The following MAPK10 variants were observed in gnomAD, a reference collection of about 807,000 sequenced individuals.
The protein encoded by MAPK10 is mitogen-activated protein kinase 10.
Under a neutral mutation model 59.3 loss-of-function variants are expected in MAPK10, and 25 were observed. That is an observed-to-expected ratio of 0.42 (90% CI 0.31 to 0.59). The LOEUF is 0.59. Ranked by LOEUF, MAPK10 falls within the 20% of genes least tolerant of loss-of-function variation. The pLI is 0.15. For missense variants in MAPK10, 351 were observed against 568.9 expected (o/e 0.62, Z 3.90); for synonymous variants, 190 against 200.5 (o/e 0.95, Z 0.44).
intron 4 of MAPK10, among the ~76,000 whole-genome samples, chr4:86,136,664 G>A (rs2062203641): frequency 6.7e-6 from 1 of 149,634 alleles, no homozygotes; most frequent in Admixed American, 6.6e-5. Flanking sequence ...ATAATGACAG[G>A]ATCAAATTCA....
At chr4:86,248,627 G>A (rs1350601531) in intron 2 of MAPK10, among the ~76,000 whole-genome samples, 1 of 152,164 alleles carries the variant, frequency 6.6e-6, no homozygotes, top group African/African-American at 2.4e-5. Flanking sequence ...CTTCATCAAA[G>A]AAGAATCTTT....
At chr4:86,301,820 G>A (rs992761500) in intron 2 of MAPK10, among the ~76,000 whole-genome samples, 1 of 151,666 alleles carries the variant, frequency 6.6e-6, no homozygotes, top group Admixed American at 6.6e-5. Context: ...GAGTGTCCCA[G>A]TTCTCCACAC....
intron 4 of MAPK10, among the ~76,000 whole-genome samples, chr4:86,153,242 A>G (rs958012375): frequency 6.6e-6 from 1 of 152,228 alleles, no homozygotes; most frequent in Non-Finnish European, 1.5e-5. Flanking sequence ...TCTAATAGGG[A>G]CATTAGTATT....
intron 9 of MAPK10, among the ~76,000 whole-genome samples, chr4:86,093,251 G>A (rs1175526265): frequency 1.3e-5 from 2 of 151,820 alleles, no homozygotes; most frequent in Non-Finnish European, 2.9e-5. Context: ...CTCTCTGGGG[G>A]ATTACGTAAC....
chr4:86,184,096 T>C (rs2077576777), intron 3 of MAPK10, among the ~76,000 whole-genome samples: 1 of 152,164 alleles, frequency 6.6e-6, no homozygotes, highest in African/African-American at 2.4e-5. Flanking sequence ...AGGTTGCCTG[T>C]TCACTCTGAT....
At chr4:86,488,371 A>G (rs1389850651) in intron 1 of MAPK10, among the ~76,000 whole-genome samples, 1 of 152,192 alleles carries the variant, frequency 6.6e-6, no homozygotes, top group East Asian at 1.9e-4. Flanking sequence ...TCCAGCTTCA[A>G]TAAGCATTGT....
intron 1 of MAPK10, chr4:86,358,390 A>G: frequency 3.0e-6 from 3 of 985,268 alleles, no homozygotes; most frequent in Non-Finnish European, 3.6e-6. Flanking sequence ...TTTTCCTTCC[A>G]CCTGAACTGT....
intron 1 of MAPK10, among the ~76,000 whole-genome samples, chr4:86,484,587 G>A (rs1753850230): frequency 6.6e-6 from 1 of 152,150 alleles, no homozygotes; most frequent in Non-Finnish European, 1.5e-5. Flanking sequence ...AAATGAGGTA[G>A]TACACATTAA....
chr4:86,281,395 G>A (rs2094797724), intron 2 of MAPK10, among the ~76,000 whole-genome samples: 1 of 151,946 alleles, frequency 6.6e-6, no homozygotes, highest in Admixed American at 6.6e-5. Flanking sequence ...CACCTACTTG[G>A]GAGACTGAGG....
intron 1 of MAPK10, among the ~76,000 whole-genome samples, chr4:86,468,022 C>G (rs572834856): frequency 6.6e-6 from 1 of 152,218 alleles, no homozygotes. Flanking sequence ...CCCCGCCGGT[C>G]GGCCAGAACA....
chr4:86,251,238 A>G (rs867465875), intron 2 of MAPK10, among the ~76,000 whole-genome samples: 62 of 152,042 alleles, frequency 4.1e-4, no homozygotes, highest in African/African-American at 1.4e-3. Flanking sequence ...GGTTAGTTAC[A>G]TATGTATACA....
intron 1 of MAPK10, among the ~76,000 whole-genome samples, chr4:86,517,580 T>C (rs750437259): frequency 3.9e-5 from 6 of 152,088 alleles, no homozygotes; most frequent in Non-Finnish European, 5.9e-5. Context: ...CGGCCTATTA[T>C]CTTTTTGATA....
chr4:86,103,219 G>A lies in MAPK10; in HGVS notation c.392C>T (p.Thr131Ile), dbSNP rs535434553. 2.3e-5 allele frequency: 37 copies of A among 1,605,268 alleles called. No homozygotes were observed. Among genetic ancestry groups the A allele is most frequent in the Non-Finnish European group, 2.9e-5 (34 of 1,172,166 alleles). The change falls in exon 6 of 14, where the codon ACA (threonine) becomes ATA (isoleucine). Residue 131 changes from threonine (T) to isoleucine (I), a missense_variant. Thr to Ile is a moderately conservative substitution (Grantham distance 89). Coordinates refer to ENST00000641462, the MANE Select transcript of MAPK10 (RefSeq NM_138982.4). ...GAACTCCTCCAGCGTTTTCTGGGGT[G>A]TGAAGACATTTAATAAACTAATAAT... ...KNIISLLNVFTPQKTLEEFQD... is the reference protein window; with the variant it reads ...KNIISLLNVFIPQKTLEEFQD...
chr4:86,030,524 G>T (rs1280172849), intron 12 of MAPK10, among the ~76,000 whole-genome samples: 1 of 151,584 alleles, frequency 6.6e-6, no homozygotes, highest in African/African-American at 2.4e-5. Context: ...GCAGAGACAG[G>T]GTCTCCCTAT....
intron 1 of MAPK10, among the ~76,000 whole-genome samples, chr4:86,552,115 G>A (rs1759837798): frequency 6.6e-6 from 1 of 151,606 alleles, no homozygotes; most frequent in Non-Finnish European, 1.5e-5. Context: ...TAAAAGGGGG[G>A]CCAGTTAAGA....
intron 11 of MAPK10, among the ~76,000 whole-genome samples, chr4:86,045,349 G>C (rs773857731): frequency 6.6e-6 from 1 of 151,836 alleles, no homozygotes; most frequent in African/African-American, 2.4e-5. Context: ...TTCTTCATTC[G>C]TTCATTTAAC....
At chr4:86,135,146 CAAAGCACCCTAG>C (rs1446080268) in intron 4 of MAPK10, among the ~76,000 whole-genome samples, 1 of 152,224 alleles carries the variant, frequency 6.6e-6, no homozygotes, top group Admixed American at 6.5e-5. Context: ...CTTAGGTAAA[CAAAGCACCCTAG>C]AAGCTCCAAC....
chr4:86,495,084 A>G (rs1754774764), intron 1 of MAPK10, among the ~76,000 whole-genome samples: 1 of 152,112 alleles, frequency 6.6e-6, no homozygotes, highest in African/African-American at 2.4e-5. Flanking sequence ...CACTTCAGAC[A>G]GAGCCAGACT....
intron 11 of MAPK10, among the ~76,000 whole-genome samples, chr4:86,057,029 T>G (rs1286929536): frequency 6.7e-6 from 1 of 148,980 alleles, no homozygotes; most frequent in African/African-American, 2.5e-5. Flanking sequence ...AGTGGTGCGA[T>G]CTCGGCTCAC....
Sources: allele counts gnomAD v4.1 joint callset (sites outside exome capture counted in the v4.1 genomes callset), GRCh38; gene constraint gnomAD v4.1.1; transcripts MANE v1.5; gene names NCBI Gene and HGNC (gene_info 2026-07-23, HGNC 2026-07-21).